Variants in CDH8 observed in about 807,000 individuals in gnomAD.
The protein encoded by CDH8 is cadherin 8.
A neutral mutation model predicts 68.1 loss-of-function variants in CDH8; 17 were observed. The ratio of observed to expected loss-of-function variants is 0.25; its 90% CI spans 0.17 to 0.37. The LOEUF (loss-of-function observed/expected upper bound fraction) is 0.37, where lower values mean the gene tolerates loss of function less well. CDH8 is among the 10% of genes least tolerant of loss of function. The probability of loss-of-function intolerance (pLI) is 1.00; values close to 1 mark genes in which losing one functional copy is unlikely to be tolerated. For missense variants in CDH8, 763 were observed against 999.3 expected (o/e 0.76, Z 3.19); for synonymous variants, 372 against 365.1 (o/e 1.02, Z -0.21).
At chr16:61,954,360 T>G (rs1964949353) in intron 2 of CDH8, among the ~76,000 whole-genome samples, 1 of 151,992 alleles carries the variant, frequency 6.6e-6, no homozygotes, top group African/African-American at 2.4e-5. Flanking sequence ...ATGTTAATAG[T>G]GTGGTCTCTA....
intron 2 of CDH8, among the ~76,000 whole-genome samples, chr16:61,988,558 G>T (rs1401860624): frequency 6.6e-6 from 1 of 151,940 alleles, no homozygotes; most frequent in Non-Finnish European, 1.5e-5. Context: ...TCCATGAGCT[G>T]CAAATACCAA....
At chr16:61,885,600 T>C (rs1196621517) in intron 3 of CDH8, among the ~76,000 whole-genome samples, 7 of 152,128 alleles carry the variant, frequency 4.6e-5, no homozygotes, top group African/African-American at 1.7e-4. Context: ...TTCATTTAAG[T>C]TTGACATTGT....
At chr16:61,960,029 C>T (rs1187337622) in intron 2 of CDH8, among the ~76,000 whole-genome samples, 2,656 of 104,774 alleles carry the variant, frequency 0.025, 428 homozygotes, top group African/African-American at 0.086. Context: ...CACATACACA[C>T]ACACACACAA....
chr16:61,673,918 T>A (rs1201507960), intron 10 of CDH8, among the ~76,000 whole-genome samples: 2 of 152,102 alleles, frequency 1.3e-5, no homozygotes, highest in Admixed American at 1.3e-4. Flanking sequence ...GGTTCATGAA[T>A]CTTTGGTTGA....
At chr16:62,027,167 T>A (rs1389266605) in intron 1 of CDH8, among the ~76,000 whole-genome samples, 2 of 152,186 alleles carry the variant, frequency 1.3e-5, no homozygotes, top group African/African-American at 4.8e-5. Context: ...TATACGAAAG[T>A]CTTTAGAATT....
intron 8 of CDH8, among the ~76,000 whole-genome samples, chr16:61,739,738 AG>A (rs1959807672): frequency 9.3e-6 from 1 of 107,472 alleles, no homozygotes. Flanking sequence ...AAAAAAAAAA[AG>A]AAAAGAAAAG....
intron 2 of CDH8, among the ~76,000 whole-genome samples, chr16:62,001,064 A>C (rs935715090): frequency 2.6e-5 from 4 of 152,200 alleles, no homozygotes; most frequent in Non-Finnish European, 2.9e-5. Flanking sequence ...TTGAGGCTAG[A>C]AAATATTTGG....
chr16:61,657,173 C>G (rs953968435), intron 10 of CDH8, among the ~76,000 whole-genome samples: 2 of 151,764 alleles, frequency 1.3e-5, no homozygotes, highest in Non-Finnish European at 2.9e-5. Context: ...TCATCAGTAT[C>G]CTATTGGTTT....
chr16:61,674,330 T>A lies in CDH8; in HGVS notation c.1655-18609A>T, dbSNP rs1390980760. ...TTATTTGGGCGTGGTGGTGAGTGCC[T>A]GTAATCCCAGCTACTCAGGAGGCTG... On this transcript the variant is annotated intron_variant, in intron 10 of 11. Transcript: ENST00000577390. 2.0e-5 allele frequency among the ~76,000 whole-genome samples: 3 copies of A among 151,902 alleles called. No homozygotes were observed. The East Asian group carries it at 5.9e-4, about 30-fold the overall frequency.
At chr16:61,654,600 G>A (rs1431387491) in intron 11 of CDH8, among the ~76,000 whole-genome samples, 1 of 152,156 alleles carries the variant, frequency 6.6e-6, no homozygotes, top group African/African-American at 2.4e-5. Flanking sequence ...AAATTTGCAT[G>A]GGCAACTTGT....
At chr16:62,001,756 G>A (rs2150597160) in intron 2 of CDH8, among the ~76,000 whole-genome samples, 1 of 152,120 alleles carries the variant, frequency 6.6e-6, no homozygotes, top group East Asian at 1.9e-4. Flanking sequence ...GTGCCATGTT[G>A]GTGTGCTGCA....
chr16:62,005,590 G>T (rs888962492), intron 2 of CDH8, among the ~76,000 whole-genome samples: 1 of 152,010 alleles, frequency 6.6e-6, no homozygotes, highest in African/African-American at 2.4e-5. Context: ...ACAAAAATTA[G>T]CTGGGCGTGG....
chr16:61,789,243 T>C (rs893308649), intron 8 of CDH8, 103 bp downstream of exon 8: 16 of 1,016,074 alleles, frequency 1.6e-5, no homozygotes, highest in African/African-American at 3.3e-5. Flanking sequence ...TAAGTTCCAA[T>C]GTCAAGGTAC....
intron 8 of CDH8, among the ~76,000 whole-genome samples, chr16:61,735,868 A>C (rs1437927036): frequency 6.6e-6 from 1 of 151,908 alleles, no homozygotes; most frequent in African/African-American, 2.4e-5. Flanking sequence ...AGGTCAAGAG[A>C]TCGAGACCAT....
chr16:61,714,105 C>G (rs192204249), intron 9 of CDH8, 147 bp from the exon 10 acceptor site: 13 of 664,340 alleles, frequency 2.0e-5, no homozygotes, highest in African/African-American at 3.7e-5. Flanking sequence ...ATGGTTTGTG[C>G]CAAGAATAAG....
intron 2 of CDH8, among the ~76,000 whole-genome samples, chr16:61,959,454 C>A (rs1965041694): frequency 6.6e-6 from 1 of 151,738 alleles, no homozygotes; most frequent in African/African-American, 2.4e-5. Flanking sequence ...AAGCATAGGG[C>A]CCCTTGGGGT....
chr16:62,019,667 G>C (rs922457097), intron 2 of CDH8, among the ~76,000 whole-genome samples: 10 of 152,010 alleles, frequency 6.6e-5, no homozygotes, highest in Admixed American at 2.6e-4. Flanking sequence ...AGTCGGTTCT[G>C]CTCCCTGAGT....
intron 7 of CDH8, among the ~76,000 whole-genome samples, chr16:61,797,951 G>C (rs1169344448): frequency 6.6e-6 from 1 of 151,780 alleles, no homozygotes; most frequent in Non-Finnish European, 1.5e-5. Context: ...TTTAAAGTTT[G>C]TTCCACAAAC....
intron 10 of CDH8, among the ~76,000 whole-genome samples, chr16:61,694,246 C>T (rs1301768673): frequency 1.3e-5 from 2 of 152,170 alleles, no homozygotes; most frequent in East Asian, 3.8e-4. Context: ...ATTTGTTTGT[C>T]TTGTCCTCAG....
Sources: gnomAD v4.1 joint callset for allele counts (sites outside exome capture counted in the v4.1 genomes callset) on GRCh38, gnomAD v4.1.1 for gene constraint, MANE v1.5 for transcripts, NCBI Gene and HGNC (gene_info 2026-07-23, HGNC 2026-07-21) for gene names.